LONRF2: variants seen among roughly 807,000 people sequenced by gnomAD.
LONRF2 encodes LON peptidase N-terminal domain and ring finger 2, also known as LON peptidase N-terminal domain and RING finger protein 2.
LONRF2 carries 35 observed loss-of-function variants against 66.6 expected under a neutral mutation model. The ratio of observed to expected loss-of-function variants is 0.53; its 90% confidence interval spans 0.40 to 0.70. The LOEUF is 0.70. LONRF2 is among the 30% of genes least tolerant of loss of function. The pLI is 0.00. For synonymous variants in LONRF2, 417 were observed against 418.1 expected (o/e 1.00, Z 0.03); for missense variants, 902 against 1,002.1 (o/e 0.90, Z 1.35).
intron 4 of LONRF2, among the ~76,000 whole-genome samples, 157 bp from the exon 5 acceptor site, chr2:100,300,075 A>G (rs992468700): frequency 6.6e-6 from 1 of 151,944 alleles, no homozygotes; most frequent in Non-Finnish European, 1.5e-5. Context: ...TTCTAAGATG[A>G]GCTTTATTCT....
At chr2:100,301,539 T>C (rs1394450877) in intron 3 of LONRF2, among the ~76,000 whole-genome samples, 1 of 152,250 alleles carries the variant, frequency 6.6e-6, no homozygotes, top group Non-Finnish European at 1.5e-5. Flanking sequence ...GGGACATCAA[T>C]GTCCTCAGCC....
intron 10 of LONRF2, among the ~76,000 whole-genome samples, chr2:100,288,141 G>A (rs374904885): frequency 1.3e-5 from 2 of 152,146 alleles, no homozygotes; most frequent in African/African-American, 4.8e-5. Context: ...AAACCCTGCC[G>A]TCAGGTCTAT....
intron 5 of LONRF2, 101 bp from the exon 6 acceptor site, chr2:100,299,420 T>G (rs1424212220): frequency 4.3e-6 from 3 of 694,390 alleles, no homozygotes; most frequent in Non-Finnish European, 7.0e-6. Flanking sequence ...GTTGTATCAA[T>G]GTAACAAATC....
intron 1 of LONRF2, among the ~76,000 whole-genome samples, chr2:100,313,993 T>A (rs928076980): frequency 6.6e-6 from 1 of 152,192 alleles, no homozygotes; most frequent in East Asian, 1.9e-4. Flanking sequence ...ATTTATTTAC[T>A]CATTCTACTA....
chr2:100,305,981 C>T (rs2105730020), intron 2 of LONRF2, among the ~76,000 whole-genome samples: 1 of 152,274 alleles, frequency 6.6e-6, no homozygotes, highest in East Asian at 1.9e-4. Context: ...CTCCACCTCC[C>T]AGGTTCAAGT....
chr2:100,320,479 A>T lies in LONRF2; in HGVS notation c.679+936T>A, dbSNP rs115547337. On this transcript the variant is annotated intron_variant, in intron 1 of 11. Coordinates refer to ENST00000393437, the MANE Select transcript of LONRF2 (RefSeq NM_198461.4). ...GACAAAATTGAATGCTAGTCACTTT[A>T]TAATTTGTGCCTTCTAAAAGGGAAA... Among the ~76,000 whole-genome samples, 838 of 152,280 alleles carry T rather than the reference A, an allele frequency of 5.5e-3. 3 individuals are homozygous for T. The highest frequency in any genetic ancestry group is 8.9e-3 in the Non-Finnish European group (608 of 68,010).
At chr2:100,287,212 T>C (rs1674865194) in intron 10 of LONRF2, 149 bp from the exon 11 acceptor site, 1 of 701,488 alleles carries the variant, frequency 1.4e-6, no homozygotes, top group Non-Finnish European at 2.2e-6. Flanking sequence ...ATGCTCAATA[T>C]AGAAATCTGC....
intron 1 of LONRF2, among the ~76,000 whole-genome samples, chr2:100,317,618 C>T (rs914912507): frequency 6.6e-6 from 1 of 152,118 alleles, no homozygotes; most frequent in Admixed American, 6.5e-5. Context: ...AAGACTTTCC[C>T]TCAGTATATC....
At chr2:100,302,518 A>G (rs1340217548) in intron 3 of LONRF2, among the ~76,000 whole-genome samples, 3 of 152,220 alleles carry the variant, frequency 2.0e-5, no homozygotes, top group African/African-American at 7.2e-5. Context: ...TGATGGGTAA[A>G]AGAGCAGGTA....
chr2:100,293,432 A>T (rs1675001920), intron 9 of LONRF2, among the ~76,000 whole-genome samples: 1 of 152,186 alleles, frequency 6.6e-6, no homozygotes, highest in Non-Finnish European at 1.5e-5. Context: ...CCTTTGCAGC[A>T]GGTGTGAACA....
In LONRF2 at chr2:100,272,336, AG is replaced by A. The variant is rs1301969342; in HGVS notation, c.*11961del. ...CAACACAGCTAGACCTCGTCTCCAT[AG>A]AAAGTAAAAAAATTAGCCGGGTATA... On this transcript the variant is annotated 3_prime_UTR_variant, in exon 12 of 12. Coordinates refer to ENST00000393437, the MANE Select transcript of LONRF2 (RefSeq NM_198461.4). 2.0e-5 allele frequency among the ~76,000 whole-genome samples: 3 copies of A among 152,256 alleles called. No homozygotes were observed. The East Asian group carries it at 5.8e-4, about 29-fold the overall frequency.
intron 7 of LONRF2, among the ~76,000 whole-genome samples, chr2:100,296,762 A>G (rs558074290): frequency 6.6e-6 from 1 of 152,298 alleles, no homozygotes; most frequent in Non-Finnish European, 1.5e-5. Flanking sequence ...TATTTAATAA[A>G]TGGTTTATGA....
rs1390611218 is a variant in LONRF2 at position 100,299,264 on chromosome 2, C to T, written c.1323G>A (p.Ser441=). The change falls in exon 6 of 12, where the codon TCG becomes TCA. Residue 441 remains serine (S), a synonymous_variant. Transcript: ENST00000393437. The part of the protein sequence containing the change: ...NSETEESQGL[S]LDVTDFECAL... ...CACACTCAAAGTCAGTTACATCAAG[C>T]GAGAGCCCCTGACTTTCTTCTGTCT... 7.5e-6 allele frequency: 12 copies of T among 1,594,040 alleles called. No individual in the cohort carries two copies. The highest frequency in any genetic ancestry group is 5.2e-5 in the Admixed American group (3 of 57,602).
At chr2:100,302,784 C>A (rs751551277) in intron 3 of LONRF2, 137 bp downstream of exon 3, 46 of 790,084 alleles carry the variant, frequency 5.8e-5, no homozygotes, top group Non-Finnish European at 5.4e-5. Context: ...ACAATTATTG[C>A]CATGCGTTTT....
rs185387049 is a variant in LONRF2 at position 100,289,754 on chromosome 2, G to C, written c.1920+504C>G. 6.0e-3 allele frequency among the ~76,000 whole-genome samples: 919 copies of C among 152,138 alleles called. 10 individuals carry two copies. Among genetic ancestry groups the C allele is most frequent in the African/African-American group, 0.021 (885 of 41,526 alleles). On this transcript the variant is annotated intron_variant, in intron 10 of 11. Coordinates refer to ENST00000393437, the MANE Select transcript of LONRF2 (RefSeq NM_198461.4). Reference sequence around the variant, plus strand: ...CCTGGCCAGATCATTTTTTTAAAAGGAGATTTCTGTACCAGCTCCCAACTC... The same window carrying C: ...CCTGGCCAGATCATTTTTTTAAAAGCAGATTTCTGTACCAGCTCCCAACTC...
chr2:100,287,395 CT>C (rs1275877774), intron 10 of LONRF2, among the ~76,000 whole-genome samples: 1 of 152,206 alleles, frequency 6.6e-6, no homozygotes, highest in Non-Finnish European at 1.5e-5. Flanking sequence ...AATATTCTAG[CT>C]TTTTTATTTT....
In LONRF2 at chr2:100,321,619, C is replaced by A; in HGVS notation, c.475G>T (p.Gly159Trp). 1 of 1,495,450 alleles carries A rather than the reference C, an allele frequency of 6.7e-7. No homozygotes were observed. The highest frequency in any genetic ancestry group is 8.8e-7 in the Non-Finnish European group (1 of 1,132,466). The allele number at this position is 1,495,450 out of a possible 1,614,324, so 92.6% of individuals were successfully genotyped here. ...ACGCAGCGCTTGCAGACTGTGAGCC[C>A]GCAGGGCAGCGTCACCGGCTTATGC... is the stretch of plus-strand genomic sequence containing the variant. ...LLHKPVTLPC[G>W]LTVCKRCVEP... Residue 159 changes from glycine (G) to tryptophan (W), a missense_variant, in exon 1 of 12, where the codon GGG becomes TGG. Gly to Trp is a radical substitution (Grantham distance 184). This residue lies in a region of LONRF2 where 585 missense variants were observed against 569.9 expected (regional missense o/e 1.03). Transcript: ENST00000393437.
intron 10 of LONRF2, among the ~76,000 whole-genome samples, chr2:100,289,998 T>C (rs1674924750): frequency 6.6e-6 from 1 of 152,066 alleles, no homozygotes; most frequent in African/African-American, 2.4e-5. Context: ...TCCCAGCTAC[T>C]CGGGAGGCTA....
In LONRF2 at chr2:100,279,419, C is replaced by G. The variant is rs551864599; in HGVS notation, c.*4879G>C. On this transcript the variant is annotated 3_prime_UTR_variant, in exon 12 of 12. Transcript: ENST00000393437. Reference sequence around the variant, plus strand: ...AGCCTAAGGGACTCCTGTATCTCCACGTGTCTTCCTCCTTTCTACTCTCAG... The same window carrying G: ...AGCCTAAGGGACTCCTGTATCTCCAGGTGTCTTCCTCCTTTCTACTCTCAG... 1 of 151,956 alleles carries G rather than the reference C, an allele frequency of 6.6e-6. No homozygotes were observed. Among genetic ancestry groups the G allele is most frequent in the Non-Finnish European group, 1.5e-5 (1 of 68,020 alleles). The allele number at this position is 151,956 out of a possible 1,614,324, so 9.4% of individuals were successfully genotyped here. A position where few individuals can be genotyped will look rare whatever the true frequency, so the allele number is the denominator to read the frequency against.
Sources: gnomAD v4.1 joint callset for allele counts (sites outside exome capture counted in the v4.1 genomes callset) on GRCh38, gnomAD v4.1.1 for gene constraint, gnomAD v4.1.1 regional missense constraint, MANE v1.5 for transcripts, NCBI Gene and HGNC (gene_info 2026-07-23, HGNC 2026-07-21) for gene names.